Variants in CMTM4 observed in about 807,000 individuals in gnomAD.
CMTM4 encodes CKLF like MARVEL transmembrane domain containing 4.
A neutral mutation model predicts 19.0 loss-of-function variants in CMTM4; 8 were observed. The observed-to-expected ratio is 0.42, with a 90% CI of 0.25 to 0.76. The LOEUF (loss-of-function observed/expected upper bound fraction) is 0.76, where lower values mean the gene tolerates loss of function less well. Among genes scored for constraint, CMTM4 ranks in the 30% least tolerant of loss-of-function variants. CMTM4 has a pLI of 0.27. For missense variants in CMTM4, 228 were observed against 290.2 expected (o/e 0.79, Z 1.56); for synonymous variants, 106 against 121.1 (o/e 0.88, Z 0.82).
chr16:66,686,006 G>A (rs1481768881), intron 1 of CMTM4, among the ~76,000 whole-genome samples: 2 of 152,162 alleles, frequency 1.3e-5, no homozygotes, highest in East Asian at 3.9e-4. Flanking sequence ...TGTAATCCCA[G>A]CAGTTTGGGA....
intron 1 of CMTM4, among the ~76,000 whole-genome samples, chr16:66,677,993 C>T (rs892710637): frequency 2.0e-5 from 3 of 152,076 alleles, no homozygotes; most frequent in African/African-American, 7.2e-5. Context: ...CCACCGTGCC[C>T]GGCCTCAAGA....
At chr16:66,669,339 A>G (rs2016659915) in intron 1 of CMTM4, among the ~76,000 whole-genome samples, 1 of 152,178 alleles carries the variant, frequency 6.6e-6, no homozygotes, top group Non-Finnish European at 1.5e-5. Context: ...AAAGGGAACG[A>G]GGAAGTTTTG....
chr16:66,633,118 A>AAATATATATAAATAT (rs1567408480), intron 2 of CMTM4, among the ~76,000 whole-genome samples: 4 of 76,198 alleles, frequency 5.2e-5, no homozygotes, highest in East Asian at 6.4e-4. Flanking sequence ...TATATATATA[A>AAATATATATAAATAT]ATATATATAT....
At chr16:66,605,182 G>A in the CMTM4 span, 1 of 418,030 alleles carries the variant, frequency 2.4e-6, no homozygotes, top group East Asian at 4.1e-5. The surrounding 1 kb of genome is among the most constrained non-coding windows in gnomAD (Gnocchi z 4.6). Context: ...CTGTCCCCGC[G>A]AGTCCAGAGC....
chr16:66,654,788 T>C (rs1406893187), intron 1 of CMTM4, among the ~76,000 whole-genome samples: 1 of 152,216 alleles, frequency 6.6e-6, no homozygotes, highest in Non-Finnish European at 1.5e-5. Context: ...GGGGCAATTC[T>C]GATGCTAAAG....
At position 66,618,113 on chromosome 16, in the gene CMTM4, C is replaced by A. The variant is rs1004726283; in HGVS notation, c.*3945G>T. On this transcript the variant is annotated 3_prime_UTR_variant, in exon 4 of 4. Coordinates refer to ENST00000394106, the MANE Select transcript of CMTM4 (RefSeq NM_181521.3). ...TAAAATAAGACAAACCTGGAAAAAA[C>A]CCTGGATTCTGCAACTTCACTAGGA... The A allele has an allele frequency of 9.1e-6, 9 of 985,340 alleles. No homozygotes were observed. Among genetic ancestry groups the A allele is most frequent in the African/African-American group, 1.7e-5 (1 of 57,220 alleles). 61.0% of individuals were successfully genotyped at this position (985,340 alleles called of 1,614,324 possible). A position where few individuals can be genotyped will look rare whatever the true frequency, so the allele number is the denominator to read the frequency against.
At chr16:66,654,850 G>A (rs2016369456) in intron 1 of CMTM4, among the ~76,000 whole-genome samples, 1 of 152,208 alleles carries the variant, frequency 6.6e-6, no homozygotes, top group Non-Finnish European at 1.5e-5. Context: ...CCAAGAGTGA[G>A]TATTCAGCTA....
At chr16:66,655,616 A>C (rs2016385806) in intron 1 of CMTM4, among the ~76,000 whole-genome samples, 1 of 151,770 alleles carries the variant, frequency 6.6e-6, no homozygotes, top group Non-Finnish European at 1.5e-5. Context: ...GAGATATAAG[A>C]TCCAAATCTT....
intron 1 of CMTM4, among the ~76,000 whole-genome samples, chr16:66,637,877 T>C (rs905882061): frequency 6.6e-6 from 1 of 152,196 alleles, no homozygotes; most frequent in Non-Finnish European, 1.5e-5. Flanking sequence ...TCTAGAGACT[T>C]GTCCTTTAGA....
chr16:66,679,442 T>C (rs564005929), intron 1 of CMTM4, among the ~76,000 whole-genome samples: 12 of 152,066 alleles, frequency 7.9e-5, no homozygotes, highest in South Asian at 2.1e-4. Context: ...CCCTGAATTA[T>C]GCAAAAAGGG....
intron 1 of CMTM4, among the ~76,000 whole-genome samples, chr16:66,672,886 A>G (rs962426539): frequency 1.3e-5 from 2 of 148,364 alleles, no homozygotes; most frequent in African/African-American, 2.5e-5. Flanking sequence ...TCAGCCTCCC[A>G]AAGTGCTGGG....
At position 66,622,978 on chromosome 16, in the gene CMTM4, G is replaced by A. The variant is rs185763725; in HGVS notation, c.462+426C>T. On this transcript the variant is annotated intron_variant, in intron 3 of 3. Transcript: ENST00000394106. The surrounding 1 kb of genome is among the most constrained non-coding windows in gnomAD (Gnocchi z 4.0). ...CTACATTATCTGGTCCCCACCTGCC[G>A]TGGCATTTCCACCTTGAAATGTCAT... is the stretch of plus-strand genomic sequence containing the variant. Among the ~76,000 whole-genome samples, 133 of 152,294 alleles carry A rather than the reference G, an allele frequency of 8.7e-4. No individual in the cohort carries two copies. Among genetic ancestry groups the A allele is most frequent in the Admixed American group, 2.5e-3 (38 of 15,296 alleles).
At chr16:66,683,144 T>TATATATAC (rs1567432022) in intron 1 of CMTM4, among the ~76,000 whole-genome samples, 14 of 127,430 alleles carry the variant, frequency 1.1e-4, no homozygotes, top group East Asian at 5.1e-4. Context: ...TATATATATA[T>TATATATAC]ATGTATATAT....
At chr16:66,614,575 T>G (rs1400142245), downstream of CMTM4, among the ~76,000 whole-genome samples, 1 of 152,214 alleles carries the variant, frequency 6.6e-6, no homozygotes, top group Non-Finnish European at 1.5e-5. This position sits in a 1 kb window ranked among gnomAD's most constrained non-coding sequence, Gnocchi z 4.9. Context: ...TGGTGGAATT[T>G]ACATTCCACC....
chr16:66,692,378 G>T (rs147335747), intron 1 of CMTM4, among the ~76,000 whole-genome samples: 1 of 152,178 alleles, frequency 6.6e-6, no homozygotes, highest in East Asian at 1.9e-4. Context: ...GCGTGAGCCC[G>T]GCCTGTTGCA....
At chr16:66,637,105 T>C (rs768393510) in intron 1 of CMTM4, among the ~76,000 whole-genome samples, 8 of 152,144 alleles carry the variant, frequency 5.3e-5, no homozygotes, top group Non-Finnish European at 8.8e-5. Context: ...AAAACAATGA[T>C]TGGTATAATC....
downstream of CMTM4, chr16:66,612,784 T>C: frequency 1.3e-6 from 1 of 767,182 alleles, no homozygotes. This position sits in a 1 kb window ranked among gnomAD's most constrained non-coding sequence, Gnocchi z 6.0. Context: ...CCTCAGGTTC[T>C]GCCTGAGCCC....
intron 2 of CMTM4, among the ~76,000 whole-genome samples, chr16:66,624,097 A>T (rs1053017963): frequency 1.3e-5 from 2 of 152,234 alleles, no homozygotes; most frequent in Non-Finnish European, 2.9e-5. Context: ...AGGGTAATGA[A>T]AGGTCACAGC....
At chr16:66,649,283 T>A (rs944431458) in intron 1 of CMTM4, among the ~76,000 whole-genome samples, 2 of 152,166 alleles carry the variant, frequency 1.3e-5, no homozygotes, top group East Asian at 3.9e-4. Flanking sequence ...AAAGTCCATT[T>A]TTTTTTTAAA....
Sources: allele counts gnomAD v4.1 joint callset (sites outside exome capture counted in the v4.1 genomes callset), GRCh38; gene constraint gnomAD v4.1.1; non-coding constraint Gnocchi (gnomAD v3.1); transcripts MANE v1.5; gene names NCBI Gene and HGNC (gene_info 2026-07-23, HGNC 2026-07-21).